Variants in HTR1F observed in about 807,000 individuals in gnomAD.
HTR1F encodes 5-hydroxytryptamine receptor 1F.
In HTR1F, 17 loss-of-function variants were observed where a neutral mutation model predicts 24.0. The observed-to-expected ratio is 0.71, with a 90% CI of 0.48 to 1.06. The LOEUF (loss-of-function observed/expected upper bound fraction) is 1.06. Among genes scored for constraint, HTR1F ranks in the 50% least tolerant of loss-of-function variants. HTR1F has a pLI of 0.00. For synonymous variants in HTR1F, 186 were observed against 156.8 expected (o/e 1.19, Z -1.39); for missense variants, 391 against 427.8 (o/e 0.91, Z 0.76).
intron 1 of HTR1F, among the ~76,000 whole-genome samples, chr3:87,799,169 T>A (rs9813634): frequency 0.074 from 11,230 of 152,194 alleles, 1,346 homozygotes; most frequent in African/African-American, 0.25. Context: ...TATAAAAAAA[T>A]TTCATCAGCT....
intron 1 of HTR1F, among the ~76,000 whole-genome samples, chr3:87,819,280 C>T (rs914994732): frequency 1.3e-5 from 2 of 152,084 alleles, no homozygotes; most frequent in African/African-American, 2.4e-5. Context: ...TTCCCCACAA[C>T]CAGACACACA....
At chr3:87,870,280 G>T (rs566029548) in intron 2 of HTR1F, among the ~76,000 whole-genome samples, 1 of 152,202 alleles carries the variant, frequency 6.6e-6, no homozygotes, top group South Asian at 2.1e-4. Flanking sequence ...AATATTCTCA[G>T]GATGGTCCAG....
chr3:87,869,454 T>TAGATGATAGATAGATAGATAGATA (rs113301497), intron 2 of HTR1F, among the ~76,000 whole-genome samples: 1,846 of 124,796 alleles, frequency 0.015, 69 homozygotes, highest in African/African-American at 0.061. Flanking sequence ...GATAGATAGA[T>TAGATGATAGATAGATAGATAGATA]GATAGATAGA....
At chr3:87,853,334 T>C (rs1705129805) in intron 2 of HTR1F, among the ~76,000 whole-genome samples, 1 of 152,086 alleles carries the variant, frequency 6.6e-6, no homozygotes, top group Admixed American at 6.6e-5. Flanking sequence ...GGTTTTCTGT[T>C]CCTGCGTTAG....
At chr3:87,877,180 A>G (rs1327286051) in intron 2 of HTR1F, among the ~76,000 whole-genome samples, 1 of 152,114 alleles carries the variant, frequency 6.6e-6, no homozygotes, top group Non-Finnish European at 1.5e-5. Flanking sequence ...TTCACCACAT[A>G]CAAGTTCTAG....
chr3:87,867,104 A>AT (rs1446042824), intron 2 of HTR1F, among the ~76,000 whole-genome samples: 1 of 151,918 alleles, frequency 6.6e-6, no homozygotes, highest in Non-Finnish European at 1.5e-5. Context: ...GTGTCAAAGT[A>AT]TTTTTTCAAA....
chr3:87,916,601 A>G (rs1476549418), intron 2 of HTR1F, among the ~76,000 whole-genome samples: 1 of 152,162 alleles, frequency 6.6e-6, no homozygotes, highest in African/African-American at 2.4e-5. Context: ...AACAAATTTT[A>G]AAACAACAAT....
intron 2 of HTR1F, among the ~76,000 whole-genome samples, chr3:87,949,268 C>G (rs1263580329): frequency 6.6e-6 from 1 of 152,206 alleles, no homozygotes; most frequent in Non-Finnish European, 1.5e-5. Context: ...ATTTTAACTA[C>G]TTAGGCATTT....
chr3:87,971,293 C>A (rs1705280702), intron 2 of HTR1F, among the ~76,000 whole-genome samples: 1 of 152,050 alleles, frequency 6.6e-6, no homozygotes, highest in African/African-American at 2.4e-5. Context: ...AATGGCCGGG[C>A]ATGGTGACTC....
At chr3:87,977,998 G>GC (rs1395047349) in intron 2 of HTR1F, among the ~76,000 whole-genome samples, 1 of 152,184 alleles carries the variant, frequency 6.6e-6, no homozygotes, top group African/African-American at 2.4e-5. Context: ...ATGCATAGAG[G>GC]CAAGAGGTAT....
At chr3:87,974,999 C>T (rs548050343) in intron 2 of HTR1F, among the ~76,000 whole-genome samples, 100 of 152,260 alleles carry the variant, frequency 6.6e-4, no homozygotes, top group African/African-American at 2.3e-3. Flanking sequence ...AACCATGTCA[C>T]TTCTGAAATA....
At chr3:87,926,490 C>A (rs1704129556) in intron 2 of HTR1F, among the ~76,000 whole-genome samples, 1 of 152,080 alleles carries the variant, frequency 6.6e-6, no homozygotes, top group Non-Finnish European at 1.5e-5. Flanking sequence ...AATCTGTGAG[C>A]CTATTTTGAT....
chr3:87,937,886 T>G (rs558116548), intron 2 of HTR1F, among the ~76,000 whole-genome samples: 2 of 146,536 alleles, frequency 1.4e-5, no homozygotes, highest in South Asian at 4.2e-4. Flanking sequence ...ATCGTGCCAC[T>G]GCACTCCAGC....
At chr3:87,829,841 A>G (rs1235524289) in intron 2 of HTR1F, among the ~76,000 whole-genome samples, 1 of 152,250 alleles carries the variant, frequency 6.6e-6, no homozygotes, top group Admixed American at 6.5e-5. Flanking sequence ...GGTATATACA[A>G]TTTGTAAGTA....
At chr3:87,846,030 G>A (rs560163126) in intron 2 of HTR1F, among the ~76,000 whole-genome samples, 1 of 151,986 alleles carries the variant, frequency 6.6e-6, no homozygotes, top group South Asian at 2.1e-4. Context: ...CCATCTTCTA[G>A]GGCTAGGGAT....
At chr3:87,931,957 T>C (rs1559637485) in intron 2 of HTR1F, among the ~76,000 whole-genome samples, 1 of 152,176 alleles carries the variant, frequency 6.6e-6, no homozygotes, top group Non-Finnish European at 1.5e-5. Context: ...CTTTGTCAGA[T>C]GAGTGGGTTG....
intron 2 of HTR1F, among the ~76,000 whole-genome samples, chr3:87,929,560 G>T (rs1704210733): frequency 6.6e-6 from 1 of 152,092 alleles, no homozygotes; most frequent in South Asian, 2.1e-4. Flanking sequence ...ATAAGAGGTT[G>T]TGTCCCCATT....
chr3:87,881,686 T>G (rs1032814141), intron 2 of HTR1F, among the ~76,000 whole-genome samples: 2 of 152,186 alleles, frequency 1.3e-5, no homozygotes, highest in Admixed American at 1.3e-4. Flanking sequence ...GATCCCTTCC[T>G]TACACCTTAT....
intron 2 of HTR1F, among the ~76,000 whole-genome samples, chr3:87,891,090 C>G (rs1224042246): frequency 6.6e-6 from 1 of 152,128 alleles, no homozygotes. Context: ...ATCCCCCTGC[C>G]TCGGCCTCCC....
Sources: gnomAD v4.1 joint callset for allele counts (sites outside exome capture counted in the v4.1 genomes callset) on GRCh38, gnomAD v4.1.1 for gene constraint, MANE v1.5 for transcripts, NCBI Gene and HGNC (gene_info 2026-07-23, HGNC 2026-07-21) for gene names.